PHF13: variants seen among roughly 807,000 people sequenced by gnomAD.
The protein encoded by PHF13 is PHD zinc finger protein PHF5.
In PHF13, 1 loss-of-function variant was observed where a neutral mutation model predicts 25.8. The observed-to-expected ratio is 0.04, with a 90% confidence interval of 0.01 to 0.18. The LOEUF is 0.18. PHF13 is among the 10% of genes least tolerant of loss of function. PHF13 has a pLI of 1.00. For missense variants in PHF13, 306 were observed against 403.2 expected (o/e 0.76, Z 2.06); for synonymous variants, 195 against 162.4 (o/e 1.20, Z -1.53).
chr1:6,620,073 G>C lies in PHF13; in HGVS notation c.412G>C (p.Gly138Arg). 3 of 1,613,438 alleles carry C rather than the reference G, an allele frequency of 1.9e-6. No homozygotes were observed. The highest frequency in any genetic ancestry group is 1.3e-5 in the African/African-American group (1 of 74,980). Reference sequence around the variant, plus strand: ...GCCTGGGAAAGAGGGGTACAGGGGGGGCTTGCTGAAGCTGGAAGCCGCTGA... The same window carrying C: ...GCCTGGGAAAGAGGGGTACAGGGGGCGCTTGCTGAAGCTGGAAGCCGCTGA... ...DAPGKEGYRG[G>R]LLKLEAADPY... Residue 138 changes from glycine (G) to arginine (R), a missense_variant, in exon 3 of 4, where the codon GGC becomes CGC. Gly to Arg is a moderately radical substitution (Grantham distance 125). Coordinates refer to ENST00000377648, the MANE Select transcript of PHF13 (RefSeq NM_153812.3).
At chr1:6,617,443 T>C (rs1218109886) in intron 2 of PHF13, among the ~76,000 whole-genome samples, 2 of 151,876 alleles carry the variant, frequency 1.3e-5, no homozygotes, top group Non-Finnish European at 2.9e-5. Context: ...TTGCTCTTTT[T>C]GTTTGTTTGT....
rs750501093 is a variant in PHF13, at chr1:6,620,113, C to T, written c.452C>T (p.Thr151Ile). Residue 151 changes from threonine (T) to isoleucine (I), a missense_variant, in exon 3 of 4, where the codon ACC (threonine) becomes ATC (isoleucine). This residue lies in a region of PHF13 where 186 missense variants were observed against 164.0 expected (regional missense o/e 1.13). Transcript: ENST00000377648. ...KLEAADPYVE[T>I]PTSPTLQDIP... ...GAAGCCGCTGACCCCTACGTGGAGA[C>T]CCCCACGAGTCCCACCTTGCAGGAT... The T allele has an allele frequency of 5.0e-6, 8 of 1,613,608 alleles. No individual in the cohort carries two copies. Among genetic ancestry groups the T allele is most frequent in the Middle Eastern group, 1.6e-4 (1 of 6,062 alleles).
chr1:6,615,628 C>T (rs917056151), intron 1 of PHF13, among the ~76,000 whole-genome samples: 2 of 152,084 alleles, frequency 1.3e-5, no homozygotes, highest in African/African-American at 4.8e-5. Context: ...GTGGGTCGGA[C>T]AAGGCACTGA....
chr1:6,616,057 C>G (rs1641256260), intron 1 of PHF13, among the ~76,000 whole-genome samples: 1 of 104,448 alleles, frequency 9.6e-6, no homozygotes, highest in Non-Finnish European at 1.8e-5. Context: ...GAGTTGGAAT[C>G]TTAGCTCTGT....
rs1345880777 is a variant in PHF13 at position 6,623,697 on chromosome 1, G to C, written c.*2060G>C. On this transcript the variant is annotated 3_prime_UTR_variant, in exon 4 of 4. Coordinates refer to ENST00000377648, the MANE Select transcript of PHF13 (RefSeq NM_153812.3). ...TTTAGCAGATCTGTCCCTGTGGGTG[G>C]TGTCTAAGAAGTCGGACACCTTGGT... 2 of 152,662 alleles carry C rather than the reference G, an allele frequency of 1.3e-5. No individual in the cohort carries two copies. Among genetic ancestry groups the C allele is most frequent in the Admixed American group, 1.3e-4 (2 of 15,276 alleles). 9.5% of individuals were successfully genotyped at this position (152,662 alleles called of 1,614,324 possible).
At chr1:6,618,931 G>GC (rs1400089574) in intron 2 of PHF13, among the ~76,000 whole-genome samples, 1 of 152,082 alleles carries the variant, frequency 6.6e-6, no homozygotes, top group Non-Finnish European at 1.5e-5. Context: ...ACAGGTGTGA[G>GC]CCCCCGCACC....
chr1:6,619,651 A>G, intron 2 of PHF13, 152 bp from the exon 3 acceptor site: 1 of 810,800 alleles, frequency 1.2e-6, no homozygotes, highest in South Asian at 1.7e-5. Context: ...AACTCATGTT[A>G]CTGTTGCTTC....
chr1:6,615,390 C>T (rs1001699488), intron 1 of PHF13, among the ~76,000 whole-genome samples: 52 of 152,250 alleles, frequency 3.4e-4, no homozygotes, highest in African/African-American at 1.2e-3. Flanking sequence ...CGCCTCCGCT[C>T]CGTGGGCGGC....
Position 6,620,030 on chromosome 1 carries a change from G to T in PHF13, c.369G>T (p.Lys123Asn). The change falls in exon 3 of 4, where the codon AAG becomes AAT. Residue 123 changes from lysine to asparagine, a missense_variant. Coordinates refer to ENST00000377648, the MANE Select transcript of PHF13 (RefSeq NM_153812.3). ...TDKLKKKKKR[K>N]RRDSDAPGKE... ...AGCTGAAGAAGAAGAAGAAGAGGAA[G>T]CGCAGGGACAGTGATGCGCCTGGGA... is the stretch of plus-strand genomic sequence containing the variant. 1 of 1,613,786 alleles carries T rather than the reference G, an allele frequency of 6.2e-7. No individual in the cohort carries two copies. Among genetic ancestry groups the T allele is most frequent in the South Asian group, 1.1e-5 (1 of 91,086 alleles).
At position 6,613,923 on chromosome 1, in the gene PHF13, G is replaced by GC. The variant is rs775587250; in HGVS notation, c.-138dup. On this transcript the variant is annotated 5_prime_UTR_variant, in exon 1 of 4. Transcript: ENST00000377648. The stretch of plus-strand genomic sequence containing the variant: ...CAGAGCTTGAGAAGCGACGCGCTGA[G>GC]CCCCCCATCACCTCCAGCCCGGGCG... 7.2e-6 allele frequency: 4 copies of GC among 554,150 alleles called. No homozygotes were observed. The highest frequency in any genetic ancestry group is 4.0e-5 in the Admixed American group (1 of 25,202). The allele number at this position is 554,150 out of a possible 1,614,324, so 34.3% of individuals were successfully genotyped here.
chr1:6,613,893 G>A lies in PHF13; in HGVS notation c.-174G>A, dbSNP rs907913357. The A allele has an allele frequency of 5.8e-6, 3 of 519,744 alleles. No individual in the cohort carries two copies. Among genetic ancestry groups the A allele is most frequent in the Middle Eastern group, 1.0e-3 (2 of 2,000 alleles). The allele number at this position is 519,744 out of a possible 1,614,324, so 32.2% of individuals were successfully genotyped here. On this transcript the variant is annotated 5_prime_UTR_variant, in exon 1 of 4. Transcript: ENST00000377648. ...GTCGGCGGTGGAACCGCCAGTCCGGGGTCACAGAGCTTGAGAAGCGACGCG... is the reference window on the plus strand; with the variant it reads ...GTCGGCGGTGGAACCGCCAGTCCGGAGTCACAGAGCTTGAGAAGCGACGCG...
Position 6,614,016 on chromosome 1 carries a change from AGCATCCCAGCTCCT to A in PHF13, c.-47_-34del. ...CCCCAGCCCCGGGCGGCCCCGCTCC[AGCATCCCAGCTCCT>A]GCACTCTCGCAGCCGCCGCCGCCCC... On this transcript the variant is annotated 5_prime_UTR_variant, in exon 1 of 4. Transcript: ENST00000377648. 7.3e-7 allele frequency: 1 copy of A among 1,368,156 alleles called. No homozygotes were observed. The highest frequency in any genetic ancestry group is 9.9e-7 in the Non-Finnish European group (1 of 1,014,656). The allele number at this position is 1,368,156 out of a possible 1,614,324, so 84.8% of individuals were successfully genotyped here. A position where few individuals can be genotyped will look rare whatever the true frequency, so the allele number is the denominator to read the frequency against.
In PHF13 at chr1:6,621,934, C is replaced by T. The variant is rs542579200; in HGVS notation, c.*297C>T. On this transcript the variant is annotated 3_prime_UTR_variant, in exon 4 of 4. Coordinates refer to ENST00000377648, the MANE Select transcript of PHF13 (RefSeq NM_153812.3). This position sits in a 1 kb window ranked among gnomAD's most constrained non-coding sequence, Gnocchi z 4.8. ...AAAATGAGGGTCCGTGGTAGCTGTG[C>T]GTTTTGCTATCATTGCTAAGAGATT... 4.0e-4 allele frequency: 185 copies of T among 463,896 alleles called. 1 individual carries two copies. The highest frequency in any genetic ancestry group is 3.1e-3 in the African/African-American group (159 of 50,932). The allele number at this position is 463,896 out of a possible 1,614,324, so 28.7% of individuals were successfully genotyped here.
chr1:6,621,777 G>T lies in PHF13; in HGVS notation c.*140G>T. ...TTTAGGTGCCTAAGCAAAAGGACAG[G>T]CTGTCCAAGGTAGAAACTGTACATA... On this transcript the variant is annotated 3_prime_UTR_variant, in exon 4 of 4. Coordinates refer to ENST00000377648, the MANE Select transcript of PHF13 (RefSeq NM_153812.3). This position sits in a 1 kb window ranked among gnomAD's most constrained non-coding sequence, Gnocchi z 4.8. 1 of 820,536 alleles carries T rather than the reference G, an allele frequency of 1.2e-6. No homozygotes were observed. Among genetic ancestry groups the T allele is most frequent in the African/African-American group, 1.7e-5 (1 of 58,898 alleles). The allele number at this position is 820,536 out of a possible 1,614,324, so 50.8% of individuals were successfully genotyped here.
chr1:6,621,775 A>C lies in PHF13; in HGVS notation c.*138A>C. 2 of 819,234 alleles carry C rather than the reference A, an allele frequency of 2.4e-6. No homozygotes were observed. The highest frequency in any genetic ancestry group is 5.3e-5 in the East Asian group (2 of 37,598). 50.7% of individuals were successfully genotyped at this position (819,234 alleles called of 1,614,324 possible). A position where few individuals can be genotyped will look rare whatever the true frequency, so the allele number is the denominator to read the frequency against. Reference sequence around the variant, plus strand: ...CATTTAGGTGCCTAAGCAAAAGGACAGGCTGTCCAAGGTAGAAACTGTACA... The same window carrying C: ...CATTTAGGTGCCTAAGCAAAAGGACCGGCTGTCCAAGGTAGAAACTGTACA... On this transcript the variant is annotated 3_prime_UTR_variant, in exon 4 of 4. Coordinates refer to ENST00000377648, the MANE Select transcript of PHF13 (RefSeq NM_153812.3). This position sits in a 1 kb window ranked among gnomAD's most constrained non-coding sequence, Gnocchi z 4.8.
In PHF13 at chr1:6,614,115, G is replaced by A. The variant is rs202099273; in HGVS notation, c.39+10G>A. 7 of 1,597,212 alleles carry A rather than the reference G, an allele frequency of 4.4e-6. No individual in the cohort carries two copies. The Admixed American group carries it at 5.1e-5, about 12-fold the overall frequency. On this transcript the variant is annotated intron_variant, in intron 1 of 3. Coordinates refer to ENST00000377648, the MANE Select transcript of PHF13 (RefSeq NM_153812.3). ...CGCCTTCCACCCGGAGGTGAGTGAA[G>A]CTGTGCGTCCGAATCGCCCCCGACC...
chr1:6,616,925 C>T (rs946537273), intron 2 of PHF13, 67 bp downstream of exon 2: 61 of 1,403,108 alleles, frequency 4.3e-5, no homozygotes, highest in Non-Finnish European at 5.7e-5. Flanking sequence ...ACCGCAAGTT[C>T]GTGGGCTTCT....
chr1:6,620,455 G>A (rs762882531), intron 3 of PHF13, 118 bp downstream of exon 3: 66 of 1,174,258 alleles, frequency 5.6e-5, no homozygotes, highest in Non-Finnish European at 7.3e-5. Context: ...GAGTGTGACA[G>A]CCCCACTGTC....
At chr1:6,620,387 A>G (rs1222888805) in intron 3 of PHF13, 50 bp downstream of exon 3, 1 of 1,553,188 alleles carries the variant, frequency 6.4e-7, no homozygotes. Flanking sequence ...TGGTTAGAAG[A>G]GAGGTTATTT....
Sources: allele counts gnomAD v4.1 joint callset (sites outside exome capture counted in the v4.1 genomes callset), GRCh38; gene constraint gnomAD v4.1.1; regional missense constraint gnomAD v4.1.1; non-coding constraint Gnocchi (gnomAD v3.1); transcripts MANE v1.5; gene names NCBI Gene and HGNC (gene_info 2026-07-23, HGNC 2026-07-21).